The following FHIP1A variants were observed in gnomAD, a reference collection of about 807,000 sequenced individuals.
FHIP1A encodes the protein FHF complex subunit HOOK interacting protein 1A, also known as FHF complex subunit HOOK-interacting protein 1A.
A neutral mutation model predicts 88.6 loss-of-function variants in FHIP1A; 61 were observed. The observed-to-expected ratio is 0.69, with a 90% CI of 0.56 to 0.85. FHIP1A has a LOEUF of 0.85. Ranked by LOEUF, FHIP1A falls within the 40% of genes least tolerant of loss-of-function variation. The pLI is 0.00. For missense variants in FHIP1A, 1,154 were observed against 1,273.5 expected (o/e 0.91, Z 1.43); for synonymous variants, 478 against 496.0 (o/e 0.96, Z 0.48).
At chr4:151,409,918 C>T (rs1417565443) in intron 1 of FHIP1A, among the ~76,000 whole-genome samples, 2 of 152,158 alleles carry the variant, frequency 1.3e-5, no homozygotes, top group South Asian at 2.1e-4. Flanking sequence ...AGGTTTGCAG[C>T]CCTTTCCTGG....
intron 1 of FHIP1A, among the ~76,000 whole-genome samples, chr4:151,419,568 C>CTTTTTTTTTTTTTT (rs70941499): frequency 1.8e-4 from 4 of 21,990 alleles, no homozygotes; most frequent in African/African-American, 6.4e-4. Context: ...GTTCCTCATT[C>CTTTTTTTTTTTTTT]TTTTTTTTTT....
chr4:151,649,681 C>T lies in FHIP1A; in HGVS notation c.1640C>T (p.Ser547Leu), dbSNP rs199603138. The T allele has an allele frequency of 2.0e-4, 304 of 1,551,480 alleles. No homozygotes were observed. Among genetic ancestry groups the T allele is most frequent in the Non-Finnish European group, 2.3e-4 (265 of 1,146,920 alleles). Residue 547 changes from serine to leucine, a missense_variant, in exon 11 of 14, where the codon TCG becomes TTG. Coordinates refer to ENST00000435205, the MANE Select transcript of FHIP1A (RefSeq NM_001109977.3). ...QSLTEEGSVS[S>L]ACPVFGLPQQ... ...CTGACGGAGGAGGGCAGTGTGAGCTCGGCCTGCCCTGTGTTCGGGCTCCCG... is the reference window on the plus strand; with the variant it reads ...CTGACGGAGGAGGGCAGTGTGAGCTTGGCCTGCCCTGTGTTCGGGCTCCCG...
chr4:151,516,143 G>A (rs984068873), intron 3 of FHIP1A, among the ~76,000 whole-genome samples: 5 of 152,128 alleles, frequency 3.3e-5, no homozygotes, highest in Admixed American at 2.6e-4. Flanking sequence ...CAGAAATAAC[G>A]CCGCATGTCT....
intron 3 of FHIP1A, among the ~76,000 whole-genome samples, chr4:151,516,084 T>G (rs1188578592): frequency 2.0e-5 from 3 of 152,174 alleles, no homozygotes; most frequent in Non-Finnish European, 4.4e-5. Context: ...AACAGCATGG[T>G]ACTGGTACCA....
chr4:151,557,309 T>G (rs1361001668), intron 3 of FHIP1A, among the ~76,000 whole-genome samples: 1 of 152,208 alleles, frequency 6.6e-6, no homozygotes, highest in African/African-American at 2.4e-5. Context: ...TTCTTGCTCA[T>G]TGTTTTCTAC....
chr4:151,581,832 C>G (rs538013005), intron 5 of FHIP1A, among the ~76,000 whole-genome samples: 4 of 152,200 alleles, frequency 2.6e-5, no homozygotes, highest in Non-Finnish European at 5.9e-5. Context: ...ACAGTAATGA[C>G]TCTTTCAGGA....
intron 3 of FHIP1A, among the ~76,000 whole-genome samples, chr4:151,551,750 A>G (rs1176292311): frequency 1.3e-5 from 2 of 152,354 alleles, no homozygotes; most frequent in Admixed American, 6.5e-5. Flanking sequence ...AACCTAGGCA[A>G]TACCATTCAG....
At chr4:151,530,471 C>T (rs1731832480) in intron 3 of FHIP1A, among the ~76,000 whole-genome samples, 1 of 152,162 alleles carries the variant, frequency 6.6e-6, no homozygotes, top group African/African-American at 2.4e-5. Context: ...CCTCATGCTA[C>T]AGATTTGCCA....
At chr4:151,513,201 TA>T (rs1731102115) in intron 3 of FHIP1A, among the ~76,000 whole-genome samples, 1 of 152,116 alleles carries the variant, frequency 6.6e-6, no homozygotes, top group Non-Finnish European at 1.5e-5. Context: ...CCAGCCAAAC[TA>T]AGCTTCATAA....
intron 7 of FHIP1A, among the ~76,000 whole-genome samples, chr4:151,617,183 C>G (rs1578823203): frequency 6.6e-6 from 1 of 152,090 alleles, no homozygotes; most frequent in Non-Finnish European, 1.5e-5. Context: ...CAGAGAGAGG[C>G]CAGAAGTACG....
At chr4:151,496,194 C>T (rs1354080043) in intron 3 of FHIP1A, among the ~76,000 whole-genome samples, 1 of 150,780 alleles carries the variant, frequency 6.6e-6, no homozygotes, top group Non-Finnish European at 1.5e-5. Flanking sequence ...TAATTTAGAT[C>T]TCACCTAATG....
chr4:151,558,409 G>A (rs1176881711), intron 3 of FHIP1A, among the ~76,000 whole-genome samples: 1 of 152,128 alleles, frequency 6.6e-6, no homozygotes, highest in Admixed American at 6.5e-5. Context: ...GGTGGTGCAC[G>A]CCTGTATTCC....
intron 4 of FHIP1A, among the ~76,000 whole-genome samples, chr4:151,571,633 C>T (rs989672639): frequency 1.3e-5 from 2 of 152,354 alleles, no homozygotes; most frequent in South Asian, 2.1e-4. Context: ...TTGCTCTGCT[C>T]ATCTCCACTC....
At chr4:151,516,244 C>T (rs901994489) in intron 3 of FHIP1A, among the ~76,000 whole-genome samples, 7 of 151,880 alleles carry the variant, frequency 4.6e-5, no homozygotes, top group African/African-American at 1.7e-4. Context: ...AACTGGCTAG[C>T]CATATGTAGA....
At chr4:151,655,571 G>A (rs1027276745) in intron 11 of FHIP1A, among the ~76,000 whole-genome samples, 3 of 152,052 alleles carry the variant, frequency 2.0e-5, no homozygotes, top group Middle Eastern at 3.2e-3. Flanking sequence ...GAAAATTCAC[G>A]TGTGGTTACC....
intron 13 of FHIP1A, among the ~76,000 whole-genome samples, chr4:151,659,475 T>C (rs1737372452): frequency 6.6e-6 from 1 of 152,188 alleles, no homozygotes; most frequent in Admixed American, 6.5e-5. Context: ...TCCAAGTGTC[T>C]GTGTGCTCTG....
At chr4:151,599,152 C>T (rs537722435) in intron 7 of FHIP1A, among the ~76,000 whole-genome samples, 1 of 152,214 alleles carries the variant, frequency 6.6e-6, no homozygotes, top group South Asian at 2.1e-4. Flanking sequence ...TTGTAAAAGT[C>T]ATATTAAATA....
chr4:151,592,994 TC>T (rs1734497233), intron 7 of FHIP1A, among the ~76,000 whole-genome samples: 1 of 152,214 alleles, frequency 6.6e-6, no homozygotes, highest in Non-Finnish European at 1.5e-5. Flanking sequence ...TAGCCAGTTT[TC>T]CCAGCACCAT....
At chr4:151,434,020 C>T (rs1250520026) in intron 1 of FHIP1A, among the ~76,000 whole-genome samples, 1 of 152,136 alleles carries the variant, frequency 6.6e-6, no homozygotes, top group East Asian at 1.9e-4. Flanking sequence ...CTTTGCTTCC[C>T]TGAAGAAGTG....
Sources: gnomAD v4.1 joint callset for allele counts (sites outside exome capture counted in the v4.1 genomes callset) on GRCh38, gnomAD v4.1.1 for gene constraint, MANE v1.5 for transcripts, NCBI Gene and HGNC (gene_info 2026-07-23, HGNC 2026-07-21) for gene names.